RNF10: variants seen among roughly 807,000 people sequenced by gnomAD.
The protein encoded by RNF10 is E3 ubiquitin-protein ligase RNF10.
In RNF10, 38 loss-of-function variants were observed where a neutral mutation model predicts 91.4. The ratio of observed to expected loss-of-function variants is 0.42; its 90% CI spans 0.32 to 0.54. The LOEUF is 0.54. Ranked by LOEUF, RNF10 falls within the 20% of genes least tolerant of loss-of-function variation. The pLI is 0.16. For missense variants in RNF10, 945 were observed against 1,012.0 expected (o/e 0.93, Z 0.90); for synonymous variants, 364 against 366.3 (o/e 0.99, Z 0.07).
At chr12:120,538,820 C>G (rs546915286) in intron 1 of RNF10, among the ~76,000 whole-genome samples, 4 of 152,268 alleles carry the variant, frequency 2.6e-5, no homozygotes, top group East Asian at 3.9e-4. Context: ...AAGCACTGCC[C>G]TGGCATTCTT....
intron 1 of RNF10, among the ~76,000 whole-genome samples, chr12:120,537,624 T>C (rs1466848050): frequency 1.3e-5 from 2 of 152,082 alleles, no homozygotes; most frequent in Admixed American, 6.6e-5. Flanking sequence ...CAAAAACTCA[T>C]GTAAAGGCCC....
intron 2 of RNF10, among the ~76,000 whole-genome samples, chr12:120,551,973 C>T (rs73403994): frequency 0.013 from 1,891 of 149,064 alleles, 35 homozygotes; most frequent in African/African-American, 0.042. Flanking sequence ...GAAGCAGGCA[C>T]ATCTTAGGAG....
intron 1 of RNF10, among the ~76,000 whole-genome samples, chr12:120,542,647 G>A (rs1871744362): frequency 6.6e-6 from 1 of 152,116 alleles, no homozygotes; most frequent in Non-Finnish European, 1.5e-5. Context: ...CTGCCTCCCG[G>A]GTTCAAATGA....
chr12:120,555,408 C>T (rs1013238474), intron 4 of RNF10, among the ~76,000 whole-genome samples: 3 of 151,638 alleles, frequency 2.0e-5, no homozygotes, highest in African/African-American at 7.3e-5. Context: ...TTTTGAACTC[C>T]TGACTGCAAG....
rs2137201644 is a variant in RNF10 at position 120,557,447 on chromosome 12, C to T, written c.811C>T (p.His271Tyr). 1 of 1,614,048 alleles carries T rather than the reference C, an allele frequency of 6.2e-7. No individual in the cohort carries two copies. The highest frequency in any genetic ancestry group is 8.5e-7 in the Non-Finnish European group (1 of 1,179,954). Residue 271 changes from histidine (H) to tyrosine (Y), a missense_variant, in exon 5 of 17, where the codon CAT (histidine) becomes TAT (tyrosine). His to Tyr is a moderately conservative substitution (Grantham distance 83, BLOSUM62 2). Coordinates refer to ENST00000325954, the MANE Select transcript of RNF10 (RefSeq NM_014868.5). The stretch of plus-strand genomic sequence containing the variant: ...ATGTCCCATCTGTTACAGTTCTGTG[C>T]ATAAGAAGGATCTCAAGAGGTGAGA... ...SKCPICYSSV[H>Y]KKDLKSVVAT... is the part of the protein sequence containing the mutation.
rs1412484669 is a variant in RNF10 at position 120,577,251 on chromosome 12, T to C, written c.*585T>C. On this transcript the variant is annotated 3_prime_UTR_variant, in exon 17 of 17. Coordinates refer to ENST00000325954, the MANE Select transcript of RNF10 (RefSeq NM_014868.5). The stretch of plus-strand genomic sequence containing the variant: ...TAATGGAGTAGGCTGTCCTTGGCAC[T>C]TGCATGTGTGAAAGGAGGGTTTTGC... 6.9e-6 allele frequency: 3 copies of C among 434,610 alleles called. No homozygotes were observed. The highest frequency in any genetic ancestry group is 4.9e-5 in the South Asian group (3 of 60,764). The allele number at this position is 434,610 out of a possible 1,614,324, so 26.9% of individuals were successfully genotyped here.
intron 2 of RNF10, 113 bp downstream of exon 2, chr12:120,546,714 A>G (rs1872400842): frequency 1.1e-6 from 1 of 930,538 alleles, no homozygotes; most frequent in Non-Finnish European, 1.6e-6. Flanking sequence ...AGGAATAGAT[A>G]ATCAAAGCAG....
chr12:120,549,236 A>C (rs1292628506), intron 2 of RNF10, among the ~76,000 whole-genome samples: 1 of 152,280 alleles, frequency 6.6e-6, no homozygotes, highest in East Asian at 1.9e-4. Flanking sequence ...TGGAATATCT[A>C]AGGTGAGCCA....
chr12:120,558,206 A>G (rs1874309558), intron 6 of RNF10, among the ~76,000 whole-genome samples: 3 of 152,236 alleles, frequency 2.0e-5, no homozygotes, highest in South Asian at 4.1e-4. Flanking sequence ...TTAGATTCCT[A>G]TTTCATACCA....
chr12:120,563,994 C>T lies in RNF10; in HGVS notation c.1665+51C>T, dbSNP rs778674747. On this transcript the variant is annotated intron_variant, in intron 10 of 16. Transcript: ENST00000325954. ...GGTCAGGCAGCAGTATTAACCTAAT[C>T]TCTTTGAGGTAGGCCTAGCCATCCT... 3.0e-5 allele frequency: 49 copies of T among 1,608,104 alleles called. 1 individual carries two copies. The highest frequency in any genetic ancestry group is 1.7e-4 in the Middle Eastern group (1 of 6,018).
intron 7 of RNF10, among the ~76,000 whole-genome samples, chr12:120,562,355 A>G (rs756292620): frequency 3.0e-4 from 42 of 141,184 alleles, no homozygotes; most frequent in Non-Finnish European, 3.6e-4. Flanking sequence ...GCTCATCACA[A>G]CCTCTGCCTC....
chr12:120,552,752 G>T, intron 3 of RNF10, 54 bp downstream of exon 3: 1 of 1,513,988 alleles, frequency 6.6e-7, no homozygotes. Flanking sequence ...CCGGATAGCT[G>T]TGGTGCCTCT....
At chr12:120,568,211 CTCT>C (rs1876069211) in intron 13 of RNF10, among the ~76,000 whole-genome samples, 1 of 151,738 alleles carries the variant, frequency 6.6e-6, no homozygotes, top group Non-Finnish European at 1.5e-5. Flanking sequence ...GGCCACTGCA[CTCT>C]AGCCTGGGCA....
At chr12:120,560,014 A>C (rs769577054) in intron 6 of RNF10, among the ~76,000 whole-genome samples, 1 of 151,680 alleles carries the variant, frequency 6.6e-6, no homozygotes, top group Admixed American at 6.6e-5. Context: ...TTCTAAACTC[A>C]AGCAATCTTC....
chr12:120,576,499 G>A (rs763439286), intron 16 of RNF10, 91 bp from the exon 17 acceptor site: 1 of 1,518,348 alleles, frequency 6.6e-7, no homozygotes, highest in South Asian at 1.3e-5. Context: ...TCCACTCTTA[G>A]CTCCCACTCT....
chr12:120,542,392 G>T, intron 1 of RNF10, among the ~76,000 whole-genome samples: 1 of 152,180 alleles, frequency 6.6e-6, no homozygotes, highest in South Asian at 2.1e-4. Context: ...GGACTCAAGT[G>T]ATCCTCTTGC....
intron 14 of RNF10, among the ~76,000 whole-genome samples, chr12:120,572,225 C>T (rs1363983425): frequency 6.6e-6 from 1 of 151,996 alleles, no homozygotes; most frequent in Admixed American, 6.6e-5. Context: ...TGCCACCACG[C>T]CCGGCTAATT....
At chr12:120,539,293 A>G (rs1411302405) in intron 1 of RNF10, 2 of 716,780 alleles carry the variant, frequency 2.8e-6, no homozygotes, top group Non-Finnish European at 4.3e-6. Context: ...GCTTTGTATA[A>G]TCACACTTAG....
At chr12:120,535,000 CGACTGCCCCTGCTGCTGGGGA>C (rs747649450) in intron 1 of RNF10, 32 bp downstream of exon 1, 8 of 1,560,110 alleles carry the variant, frequency 5.1e-6, no homozygotes, top group Middle Eastern at 1.7e-4. Flanking sequence ...TGGGCGGGGG[CGACTGCCCCTGCTGCTGGGGA>C]GAGTCGTTGC....
Sources: allele counts gnomAD v4.1 joint callset (sites outside exome capture counted in the v4.1 genomes callset), GRCh38; gene constraint gnomAD v4.1.1; transcripts MANE v1.5; gene names NCBI Gene and HGNC (gene_info 2026-07-23, HGNC 2026-07-21).